Variants in IKZF2 observed in about 807,000 individuals in gnomAD.
IKZF2 encodes the protein IKAROS family zinc finger 2, also known as zinc finger protein Helios.
Under a neutral mutation model 49.2 loss-of-function variants are expected in IKZF2, and 15 were observed. That is an observed-to-expected ratio of 0.30 (90% confidence interval 0.20 to 0.47). The LOEUF is 0.47. Ranked by LOEUF, IKZF2 falls within the 20% of genes least tolerant of loss-of-function variation. The probability of loss-of-function intolerance (pLI) is 1.00; values close to 1 mark genes in which losing one functional copy is unlikely to be tolerated. For synonymous variants in IKZF2, 227 were observed against 221.4 expected (o/e 1.03, Z -0.23); for missense variants, 567 against 664.6 (o/e 0.85, Z 1.61).
intron 5 of IKZF2, among the ~76,000 whole-genome samples, chr2:213,053,331 T>C (rs1356367684): frequency 6.6e-6 from 1 of 152,178 alleles, no homozygotes; most frequent in Non-Finnish European, 1.5e-5. Flanking sequence ...TGGTCCATTT[T>C]TATTTATTGA....
At position 213,124,250 on chromosome 2, in the gene IKZF2, GCGCACACACACACA is replaced by G. The variant is rs778453201; in HGVS notation, c.139+23444_139+23457del. 4.7e-3 allele frequency among the ~76,000 whole-genome samples: 443 copies of G among 93,554 alleles called. 21 individuals are homozygous for G. In the East Asian group the frequency reaches 0.073, roughly 15 times the overall value. The allele number at this position is 93,554 out of a possible 152,430, so 61.4% of individuals were successfully genotyped here. ...CACGCACACATGCGCTCGCGCGCGC[GCGCACACACACACA>G]CACACACACACACACACACACACAC... On this transcript the variant is annotated intron_variant, in intron 4 of 8. Coordinates refer to ENST00000434687, the MANE Select transcript of IKZF2 (RefSeq NM_001387220.1).
chr2:213,022,197 AACTT>A, intron 6 of IKZF2, 67 bp from the exon 7 acceptor site: 2 of 1,408,536 alleles, frequency 1.4e-6, no homozygotes, highest in Non-Finnish European at 1.9e-6. Context: ...ATCAATAGCT[AACTT>A]TTGATAGTCT....
intron 4 of IKZF2, among the ~76,000 whole-genome samples, chr2:213,109,696 CATT>C (rs1431651839): frequency 4.6e-5 from 7 of 151,778 alleles, no homozygotes; most frequent in African/African-American, 1.7e-4. Context: ...CTAACACTAC[CATT>C]ATTATCATGA....
Position 213,007,211 on chromosome 2 carries a change from T to C in IKZF2, c.*149A>G, listed in dbSNP as rs538779037. Reference sequence around the variant, plus strand: ...CGTAATTAGGCAGAGCAAATGACACTGCCTCCACAAAATAAGAATTATCAA... The same window carrying C: ...CGTAATTAGGCAGAGCAAATGACACCGCCTCCACAAAATAAGAATTATCAA... On this transcript the variant is annotated 3_prime_UTR_variant, in exon 9 of 9. Transcript: ENST00000434687. 2.4e-6 allele frequency: 2 copies of C among 826,906 alleles called. No individual in the cohort carries two copies. Among genetic ancestry groups the C allele is most frequent in the Admixed American group, 6.0e-5 (2 of 33,600 alleles). 51.2% of individuals were successfully genotyped at this position (826,906 alleles called of 1,614,324 possible).
At chr2:213,120,366 T>C (rs1033505587) in intron 4 of IKZF2, among the ~76,000 whole-genome samples, 9 of 152,204 alleles carry the variant, frequency 5.9e-5, no homozygotes, top group African/African-American at 2.2e-4. Flanking sequence ...AGAGTTTTCC[T>C]GGTTGAGAAA....
At chr2:213,092,000 T>G (rs1705397473) in intron 4 of IKZF2, among the ~76,000 whole-genome samples, 2 of 151,962 alleles carry the variant, frequency 1.3e-5, no homozygotes, top group African/African-American at 2.4e-5. Flanking sequence ...TTTATCTATT[T>G]TATTTATTAT....
intron 6 of IKZF2, among the ~76,000 whole-genome samples, chr2:213,043,998 C>G (rs2069267): frequency 6.6e-6 from 1 of 152,120 alleles, no homozygotes; most frequent in African/African-American, 2.4e-5. Context: ...GCTCTGCTCC[C>G]GCAAAAGCTA....
chr2:213,063,561 T>G (rs780235677), intron 4 of IKZF2, among the ~76,000 whole-genome samples: 2 of 151,920 alleles, frequency 1.3e-5, no homozygotes, highest in East Asian at 3.9e-4. Flanking sequence ...TTAATGATAA[T>G]AGTAATGATA....
intron 4 of IKZF2, among the ~76,000 whole-genome samples, chr2:213,141,211 C>T (rs1442155450): frequency 1.3e-5 from 2 of 151,934 alleles, no homozygotes; most frequent in Non-Finnish European, 2.9e-5. Context: ...CTTCTCCTTC[C>T]TTTTTATCCC....
At chr2:213,011,113 G>C (rs1695901199) in intron 8 of IKZF2, among the ~76,000 whole-genome samples, 1 of 152,034 alleles carries the variant, frequency 6.6e-6, no homozygotes. Context: ...ACAGAAGCTA[G>C]TTGTGACCTC....
At chr2:213,019,180 C>T (rs1461761994) in intron 7 of IKZF2, among the ~76,000 whole-genome samples, 3 of 151,970 alleles carry the variant, frequency 2.0e-5, no homozygotes, top group Non-Finnish European at 4.4e-5. Context: ...CAGGGAAAAA[C>T]ATGTTTTAGA....
intron 4 of IKZF2, among the ~76,000 whole-genome samples, chr2:213,094,877 T>G (rs1284771774): frequency 6.6e-6 from 1 of 152,086 alleles, no homozygotes. Context: ...GCCAAGAATA[T>G]TAAGTAATCT....
intron 6 of IKZF2, among the ~76,000 whole-genome samples, chr2:213,036,182 T>C (rs1469665453): frequency 6.6e-6 from 1 of 152,088 alleles, no homozygotes; most frequent in Admixed American, 6.6e-5. Context: ...ATGTGTGTGT[T>C]TGAAATCTAA....
At chr2:213,065,933 C>T (rs1290366137) in intron 4 of IKZF2, among the ~76,000 whole-genome samples, 4 of 151,946 alleles carry the variant, frequency 2.6e-5, no homozygotes, top group Admixed American at 6.6e-5. Context: ...AGCAGATTGC[C>T]AGTCTGAGGT....
At chr2:213,146,221 T>C (rs2061052350) in intron 4 of IKZF2, among the ~76,000 whole-genome samples, 1 of 152,068 alleles carries the variant, frequency 6.6e-6, no homozygotes, top group Admixed American at 6.6e-5. Context: ...ATAAAAACAT[T>C]ACACCAAATA....
intron 4 of IKZF2, among the ~76,000 whole-genome samples, chr2:213,083,866 A>C (rs1334110068): frequency 6.6e-6 from 1 of 151,602 alleles, no homozygotes; most frequent in African/African-American, 2.4e-5. Context: ...CAGATTCTAC[A>C]TTATGATGAG....
chr2:213,029,217 G>A (rs944147212), intron 6 of IKZF2, among the ~76,000 whole-genome samples: 2 of 151,774 alleles, frequency 1.3e-5, no homozygotes, highest in African/African-American at 4.8e-5. Flanking sequence ...TCTATTGTCT[G>A]GAGGAATTTG....
At chr2:213,121,528 C>G (rs949137932) in intron 4 of IKZF2, among the ~76,000 whole-genome samples, 21 of 152,092 alleles carry the variant, frequency 1.4e-4, no homozygotes, top group African/African-American at 4.1e-4. Flanking sequence ...GTATGATATT[C>G]CTGGAATTCT....
chr2:213,042,199 G>A (rs1442800352), intron 6 of IKZF2, among the ~76,000 whole-genome samples: 5 of 133,256 alleles, frequency 3.8e-5, no homozygotes, highest in Non-Finnish European at 6.4e-5. Context: ...ATAAACATAC[G>A]AGCTGTGTCA....
Sources: allele counts gnomAD v4.1 joint callset (sites outside exome capture counted in the v4.1 genomes callset), GRCh38; gene constraint gnomAD v4.1.1; transcripts MANE v1.5; gene names NCBI Gene and HGNC (gene_info 2026-07-23, HGNC 2026-07-21).